Variants in ROBO1 observed in about 807,000 individuals in gnomAD.
ROBO1 encodes the protein roundabout homolog 1.
A neutral mutation model predicts 195.9 loss-of-function variants in ROBO1; 149 were observed. That is an observed-to-expected ratio of 0.76 (90% CI 0.67 to 0.87). ROBO1 has a LOEUF of 0.87. Ranked by LOEUF, ROBO1 falls within the 40% of genes least tolerant of loss-of-function variation. The pLI is 0.00. For synonymous variants in ROBO1, 816 were observed against 733.2 expected (o/e 1.11, Z -1.82); for missense variants, 1,933 against 2,068.3 (o/e 0.93, Z 1.27).
chr3:79,379,195 AG>A (rs1195730044), intron 2 of ROBO1, among the ~76,000 whole-genome samples: 1 of 152,212 alleles, frequency 6.6e-6, no homozygotes, highest in African/African-American at 2.4e-5. Flanking sequence ...TTTCAAGACA[AG>A]ATACTAAGGC....
At chr3:79,435,915 C>T (rs1207402951) in intron 2 of ROBO1, among the ~76,000 whole-genome samples, 1 of 152,106 alleles carries the variant, frequency 6.6e-6, no homozygotes, top group African/African-American at 2.4e-5. Flanking sequence ...ATGTTTCCTT[C>T]AATTTTCCTA....
At chr3:79,661,150 T>A (rs1392035391) in intron 1 of ROBO1, among the ~76,000 whole-genome samples, 1 of 152,068 alleles carries the variant, frequency 6.6e-6, no homozygotes, top group African/African-American at 2.4e-5. Flanking sequence ...TGGAATGCTG[T>A]CAGCAGACAG....
intron 2 of ROBO1, among the ~76,000 whole-genome samples, chr3:79,146,609 T>C (rs947423589): frequency 2.6e-5 from 4 of 151,992 alleles, no homozygotes; most frequent in Admixed American, 6.6e-5. Flanking sequence ...TGCAGATATC[T>C]GTGGTAAATA....
chr3:79,620,510 A>T (rs552184300), intron 1 of ROBO1, among the ~76,000 whole-genome samples: 3 of 139,698 alleles, frequency 2.1e-5, no homozygotes, highest in Admixed American at 7.8e-5. Flanking sequence ...TCTGGTGCCA[A>T]CTTGGACAAC....
chr3:78,717,904 G>A lies in ROBO1; in HGVS notation c.658-21C>T, dbSNP rs759246135. ...CGTATCTTAAAAAAAAAGTTTCACA[G>A]GAATACTATTAAAATTGCTTCAGCT... On this transcript the variant is annotated intron_variant, in intron 5 of 30. Transcript: ENST00000464233. 8.7e-6 allele frequency: 14 copies of A among 1,611,174 alleles called. No individual in the cohort carries two copies. The African/African-American group carries it at 1.2e-4, about 14-fold the overall frequency.
At chr3:79,155,294 A>G (rs764820500) in intron 2 of ROBO1, among the ~76,000 whole-genome samples, 1 of 151,748 alleles carries the variant, frequency 6.6e-6, no homozygotes, top group Non-Finnish European at 1.5e-5. Flanking sequence ...AACAGTCTGT[A>G]TAAAAGTTGA....
At chr3:78,817,252 A>T (rs903395792) in intron 4 of ROBO1, among the ~76,000 whole-genome samples, 2 of 152,196 alleles carry the variant, frequency 1.3e-5, no homozygotes, top group Non-Finnish European at 2.9e-5. Flanking sequence ...ATCAACATCA[A>T]GACAAGACTG....
chr3:79,428,731 G>A (rs762054527), intron 2 of ROBO1, among the ~76,000 whole-genome samples: 6 of 152,128 alleles, frequency 3.9e-5, no homozygotes, highest in Non-Finnish European at 7.4e-5. Flanking sequence ...ATTGTCCACC[G>A]AATGGTGAGT....
intron 2 of ROBO1, among the ~76,000 whole-genome samples, chr3:79,587,739 A>G (rs1050313624): frequency 1.3e-5 from 2 of 151,716 alleles, no homozygotes; most frequent in African/African-American, 2.4e-5. Context: ...CTAAAGCTAG[A>G]AAAACAATTA....
chr3:78,670,281 G>C lies in ROBO1; in HGVS notation c.1363C>G (p.Pro455Ala). The C allele has an allele frequency of 6.4e-7, 1 of 1,567,486 alleles. No homozygotes were observed. Among genetic ancestry groups the C allele is most frequent in the Non-Finnish European group, 8.7e-7 (1 of 1,155,268 alleles). The change falls in exon 11 of 31, where the codon CCA becomes GCA. Residue 455 changes from proline (P) to alanine (A), a missense_variant. Physicochemically the swap from Pro to Ala is conservative, Grantham distance 27. Transcript: ENST00000464233. Reference sequence around the variant, plus strand: ...TTCACAGGACCTTGTCGAATAACTGGGGGAGGCCGATCTGCAATCACTGCC... The same window carrying C: ...TTCACAGGACCTTGTCGAATAACTGCGGGAGGCCGATCTGCAATCACTGCC... ...VTDVIADRPP[P>A]VIRQGPVNQT...
chr3:78,750,673 T>C (rs912192207), intron 4 of ROBO1, among the ~76,000 whole-genome samples: 1 of 152,034 alleles, frequency 6.6e-6, no homozygotes, highest in African/African-American at 2.4e-5. Context: ...AATATTAAGA[T>C]AGGAAGCAAA....
chr3:79,518,502 T>C (rs776698304), intron 2 of ROBO1, among the ~76,000 whole-genome samples: 1 of 152,148 alleles, frequency 6.6e-6, no homozygotes, highest in South Asian at 2.1e-4. Context: ...TTTCTCAGTA[T>C]ATATGTGAGC....
chr3:78,874,960 A>T (rs371828753), intron 4 of ROBO1, among the ~76,000 whole-genome samples: 2 of 152,002 alleles, frequency 1.3e-5, no homozygotes, highest in African/African-American at 4.8e-5. Context: ...GAATGCACAA[A>T]TAAATGAATC....
intron 2 of ROBO1, among the ~76,000 whole-genome samples, chr3:79,560,836 A>G (rs1377672584): frequency 6.6e-6 from 1 of 152,166 alleles, no homozygotes; most frequent in Non-Finnish European, 1.5e-5. Flanking sequence ...TAGCAAAGGA[A>G]TATTAGCTTG....
intron 14 of ROBO1, 123 bp downstream of exon 14, chr3:78,667,760 T>C: frequency 2.1e-6 from 2 of 949,244 alleles, no homozygotes; most frequent in Non-Finnish European, 3.0e-6. Flanking sequence ...TTAAGCAACT[T>C]GGGCAACTTG....
intron 4 of ROBO1, among the ~76,000 whole-genome samples, chr3:78,790,417 G>C (rs2083981558): frequency 6.6e-6 from 1 of 151,872 alleles, no homozygotes; most frequent in South Asian, 2.1e-4. Context: ...AATTACATTA[G>C]AGTACATGAG....
intron 1 of ROBO1, among the ~76,000 whole-genome samples, chr3:79,677,118 T>C (rs941307222): frequency 6.6e-6 from 1 of 152,024 alleles, no homozygotes; most frequent in African/African-American, 2.4e-5. Context: ...TCTCCTTGAG[T>C]GTGACAAAGA....
chr3:79,219,051 T>A (rs1030218656), intron 2 of ROBO1, among the ~76,000 whole-genome samples: 11 of 152,066 alleles, frequency 7.2e-5, no homozygotes, highest in Admixed American at 6.6e-4. Context: ...AGTTAAATTA[T>A]TAAATAGCTT....
At chr3:79,575,649 T>A (rs1162025464) in intron 2 of ROBO1, among the ~76,000 whole-genome samples, 1 of 149,324 alleles carries the variant, frequency 6.7e-6, no homozygotes, top group Non-Finnish European at 1.5e-5. Context: ...AGAGGAAAAT[T>A]CTCCTTATAC....
Sources: allele counts gnomAD v4.1 joint callset (sites outside exome capture counted in the v4.1 genomes callset), GRCh38; gene constraint gnomAD v4.1.1; transcripts MANE v1.5; gene names NCBI Gene and HGNC (gene_info 2026-07-23, HGNC 2026-07-21).